CELSR3: variants seen among roughly 807,000 people sequenced by gnomAD.
CELSR3 encodes cadherin EGF LAG seven-pass G-type receptor 3.
In CELSR3, 73 loss-of-function variants were observed where a neutral mutation model predicts 270.0. The observed-to-expected ratio is 0.27, with a 90% confidence interval of 0.22 to 0.33. CELSR3 has a LOEUF of 0.33. CELSR3 is among the 10% of genes least tolerant of loss of function. The probability of loss-of-function intolerance (pLI) is 1.00; values close to 1 mark genes in which losing one functional copy is unlikely to be tolerated. For missense variants in CELSR3, 3,614 were observed against 4,533.8 expected, an observed-to-expected ratio of 0.80 and a Z score of 5.83; for synonymous variants, 1,780 against 1,905.4, an observed-to-expected ratio of 0.93 and a Z score of 1.71.
chr3:48,644,350 G>C lies in CELSR3; in HGVS notation c.8086-55C>G. 6.7e-7 allele frequency: 1 copy of C among 1,487,046 alleles called. No homozygotes were observed. Among genetic ancestry groups the C allele is most frequent in the Non-Finnish European group, 9.4e-7 (1 of 1,067,184 alleles). The allele number at this position is 1,487,046 out of a possible 1,614,324, so 92.1% of individuals were successfully genotyped here. On this transcript the variant is annotated intron_variant, in intron 26 of 34. Transcript: ENST00000164024. This position sits in a 1 kb window ranked among gnomAD's most constrained non-coding sequence, Gnocchi z 4.8. The stretch of plus-strand genomic sequence containing the variant: ...GGCAGGGCAGAGAGAGAGAGAGAGA[G>C]AGAGGCAATGAGAGACAGAGAGAGA...
Position 48,661,426 on chromosome 3 carries a change from C to T in CELSR3, c.1209G>A (p.Val403=). 6.2e-7 allele frequency: 1 copy of T among 1,611,970 alleles called. No individual in the cohort carries two copies. Among genetic ancestry groups the T allele is most frequent in the South Asian group, 1.1e-5 (1 of 91,026 alleles). Residue 403 remains valine (V), a synonymous_variant, in exon 1 of 35, where the codon GTG becomes GTA. Coordinates refer to ENST00000164024, the MANE Select transcript of CELSR3 (RefSeq NM_001407.3). ...RESMERHYLR[V]TAQDHGSPRL... ...GCGGCGACCCGTGGTCCTGCGCGGT[C>T]ACACGCAGGTAGTGACGCTCCATGC...
chr3:48,641,249 G>A lies in CELSR3; in HGVS notation c.9025+75C>T, dbSNP rs1289295954. On this transcript the variant is annotated intron_variant, in intron 33 of 34. Coordinates refer to ENST00000164024, the MANE Select transcript of CELSR3 (RefSeq NM_001407.3). This position sits in a 1 kb window ranked among gnomAD's most constrained non-coding sequence, Gnocchi z 4.8. The stretch of plus-strand genomic sequence containing the variant: ...AGAGCTCTCAGTTTGGGATGAGGAA[G>A]CTGCAATCCCTTGGCTCAGGGCATG... 1 of 967,892 alleles carries A rather than the reference G, an allele frequency of 1.0e-6. No individual in the cohort carries two copies. Among genetic ancestry groups the A allele is most frequent in the Non-Finnish European group, 1.6e-6 (1 of 612,680 alleles). 60.0% of individuals were successfully genotyped at this position (967,892 alleles called of 1,614,324 possible). A position where few individuals can be genotyped will look rare whatever the true frequency, so the allele number is the denominator to read the frequency against.
chr3:48,661,361 T>C lies in CELSR3; in HGVS notation c.1274A>G (p.Asp425Gly). The change falls in exon 1 of 35, where the codon GAC (aspartate) becomes GGC (glycine). Residue 425 changes from aspartate (D) to glycine (G), a missense_variant. Transcript: ENST00000164024. Reference protein sequence around the residue: ...ATTMVAVTVADRNDHSPVFEQ... With the variant: ...ATTMVAVTVAGRNDHSPVFEQ... ...AAAAACCGGCGAGTGGTCGTTGCGG[T>C]CGGCTACTGTCACGGCCACCATCGT... The C allele has an allele frequency of 6.2e-7, 1 of 1,612,840 alleles. No homozygotes were observed. The highest frequency in any genetic ancestry group is 8.5e-7 in the Non-Finnish European group (1 of 1,179,848).
In CELSR3 at chr3:48,638,131, C is replaced by G. The variant is rs1423770681; in HGVS notation, c.*74G>C. On this transcript the variant is annotated 3_prime_UTR_variant, in exon 35 of 35. Coordinates refer to ENST00000164024, the MANE Select transcript of CELSR3 (RefSeq NM_001407.3). ...AGGAGGCTGCCTTGGGATCTGCCCC[C>G]ACTCCTGGAGTCTCTCCTGTTAGCC... 10 of 1,361,424 alleles carry G rather than the reference C, an allele frequency of 7.3e-6. No homozygotes were observed. The highest frequency in any genetic ancestry group is 1.4e-5 in the African/African-American group (1 of 70,018). 84.3% of individuals were successfully genotyped at this position (1,361,424 alleles called of 1,614,324 possible).
At position 48,662,851 on chromosome 3, in the gene CELSR3, A is replaced by C; in HGVS notation, c.-217T>G. On this transcript the variant is annotated 5_prime_UTR_variant, in exon 1 of 35. An upstream start codon of the reference 5' UTR is lost. Transcript: ENST00000164024. The surrounding 1 kb of genome is among the most constrained non-coding windows in gnomAD (Gnocchi z 7.1). ...TGGCTTTTTCCGCCCCCACCACAGCATCCCCGACGCTGCTGCCGCCTCCCG... is the reference window on the plus strand; with the variant it reads ...TGGCTTTTTCCGCCCCCACCACAGCCTCCCCGACGCTGCTGCCGCCTCCCG... The C allele has an allele frequency of 3.1e-6, 1 of 325,438 alleles. No homozygotes were observed. The highest frequency in any genetic ancestry group is 5.6e-6 in the Non-Finnish European group (1 of 177,508). 20.2% of individuals were successfully genotyped at this position (325,438 alleles called of 1,614,324 possible).
rs778129842 is a variant in CELSR3, at chr3:48,647,911, G to A, written c.7059C>T (p.Gly2353=). ...YPRYHSNLFR[G]QDAWDPHTHV... ...GGGTGTGAGGATCCCAGGCATCCTG[G>A]CCTCGAAAGAGGTTGCTATGGTAGC... The change falls in exon 20 of 35, where the codon GGC becomes GGT. Residue 2353 remains glycine, a synonymous_variant. Transcript: ENST00000164024. The A allele has an allele frequency of 6.2e-7, 1 of 1,612,006 alleles. No homozygotes were observed. Among genetic ancestry groups the A allele is most frequent in the Non-Finnish European group, 8.5e-7 (1 of 1,179,690 alleles).
At position 48,662,497 on chromosome 3, in the gene CELSR3, T is replaced by TA; in HGVS notation, c.137dup (p.Leu46PhefsTer53). ...GCGCCCTTGGCCCCGTAGTGGCAGC[T>TA]AAGCCTGGGTCCCAGCCCTGGTGCC... On this transcript the variant is annotated frameshift_variant, in exon 1 of 35. Coordinates refer to ENST00000164024, the MANE Select transcript of CELSR3 (RefSeq NM_001407.3). LOFTEE classifies it high-confidence loss of function. The surrounding 1 kb of genome is among the most constrained non-coding windows in gnomAD (Gnocchi z 7.1). 6.2e-7 allele frequency: 1 copy of TA among 1,612,486 alleles called. No individual in the cohort carries two copies. The highest frequency in any genetic ancestry group is 1.3e-5 in the African/African-American group (1 of 75,032).
chr3:48,639,714 C>A lies in CELSR3; in HGVS notation c.9871G>T (p.Ala3291Ser). ...AGCTCCGAGATGCTGTGAGACGTGG[C>A]AGAACGTGGCGTGGAGGGCCCAAGC... ...SVLGPSTPRSATSHSISELSP... is the reference protein window; with the variant it reads ...SVLGPSTPRSSTSHSISELSP... The change falls in exon 34 of 35, where the codon GCC (alanine) becomes TCC (serine). Residue 3291 changes from alanine to serine, a missense_variant. By Grantham distance (99) the Ala-to-Ser change is moderately conservative. Around this residue, in one of 7 missense-constraint regions of CELSR3, gnomAD observed 1,240 missense variants for 1,351.7 expected, o/e 0.92. Coordinates refer to ENST00000164024, the MANE Select transcript of CELSR3 (RefSeq NM_001407.3). The surrounding 1 kb of genome is among the most constrained non-coding windows in gnomAD (Gnocchi z 4.1). The A allele has an allele frequency of 1.2e-6, 2 of 1,613,334 alleles. No individual in the cohort carries two copies. The highest frequency in any genetic ancestry group is 3.3e-5 in the Admixed American group (2 of 59,996).
At position 48,641,287 on chromosome 3, in the gene CELSR3, C is replaced by T. The variant is rs755112737; in HGVS notation, c.9025+37G>A. The T allele has an allele frequency of 9.6e-6, 13 of 1,358,082 alleles. No individual in the cohort carries two copies. The highest frequency in any genetic ancestry group is 2.9e-5 in the African/African-American group (2 of 69,996). The allele number at this position is 1,358,082 out of a possible 1,614,324, so 84.1% of individuals were successfully genotyped here. A position where few individuals can be genotyped will look rare whatever the true frequency, so the allele number is the denominator to read the frequency against. On this transcript the variant is annotated intron_variant, in intron 33 of 34. Coordinates refer to ENST00000164024, the MANE Select transcript of CELSR3 (RefSeq NM_001407.3). The surrounding 1 kb of genome is among the most constrained non-coding windows in gnomAD (Gnocchi z 4.8). ...GGCTCAGGGCATGAGCAGCCCCCAGCGTGTCTGCGGTGTGGGCCAGGGCTC... is the reference window on the plus strand; with the variant it reads ...GGCTCAGGGCATGAGCAGCCCCCAGTGTGTCTGCGGTGTGGGCCAGGGCTC...
chr3:48,654,532 G>T lies in CELSR3; in HGVS notation c.4989-80C>A. 2 of 1,250,066 alleles carry T rather than the reference G, an allele frequency of 1.6e-6. No homozygotes were observed. Among genetic ancestry groups the T allele is most frequent in the Non-Finnish European group, 2.2e-6 (2 of 899,474 alleles). 77.4% of individuals were successfully genotyped at this position (1,250,066 alleles called of 1,614,324 possible). On this transcript the variant is annotated intron_variant, in intron 6 of 34. Coordinates refer to ENST00000164024, the MANE Select transcript of CELSR3 (RefSeq NM_001407.3). The surrounding 1 kb of genome is among the most constrained non-coding windows in gnomAD (Gnocchi z 5.4). ...CCTGGGGGGCCACAGGAAGCAGGGGGGTAGGACCCAGAGGGTAGGGTGATT... is the reference window on the plus strand; with the variant it reads ...CCTGGGGGGCCACAGGAAGCAGGGGTGTAGGACCCAGAGGGTAGGGTGATT...
Position 48,653,256 on chromosome 3 carries a change from A to G in CELSR3, c.5449-69T>C. On this transcript the variant is annotated intron_variant, in intron 9 of 34. Coordinates refer to ENST00000164024, the MANE Select transcript of CELSR3 (RefSeq NM_001407.3). This position sits in a 1 kb window ranked among gnomAD's most constrained non-coding sequence, Gnocchi z 6.5. ...GGCTGGGACTTGGAGGTGAGATCAG[A>G]GGGCTCAGAGGTCAGGAATATCAGA... 6 of 1,414,292 alleles carry G rather than the reference A, an allele frequency of 4.2e-6. No homozygotes were observed. The South Asian group carries it at 7.4e-5, about 17-fold the overall frequency. The allele number at this position is 1,414,292 out of a possible 1,614,324, so 87.6% of individuals were successfully genotyped here.
At position 48,657,141 on chromosome 3, in the gene CELSR3, G is replaced by T; in HGVS notation, c.3956C>A (p.Thr1319Lys). Residue 1319 changes from threonine (T) to lysine (K), a missense_variant, in exon 2 of 35, where the codon ACA becomes AAA. Around this residue, in one of 7 missense-constraint regions of CELSR3, gnomAD observed 1,331 missense variants for 1,933.7 expected, o/e 0.69. Coordinates refer to ENST00000164024, the MANE Select transcript of CELSR3 (RefSeq NM_001407.3). This position sits in a 1 kb window ranked among gnomAD's most constrained non-coding sequence, Gnocchi z 5.4. ...ATTGAGCACGGTGCCCCCTACGTCTGTGTCGTTCTGGATGTTGAAGATGAA... is the reference window on the plus strand; with the variant it reads ...ATTGAGCACGGTGCCCCCTACGTCTTTGTCGTTCTGGATGTTGAAGATGAA... ...DVFIFNIQND[T>K]DVGGTVLNVS... The T allele has an allele frequency of 6.2e-7, 1 of 1,614,054 alleles. No homozygotes were observed. Among genetic ancestry groups the T allele is most frequent in the Admixed American group, 1.7e-5 (1 of 60,026 alleles).
At position 48,650,434 on chromosome 3, in the gene CELSR3, G is replaced by GGGGGGGGGGC; in HGVS notation, c.6472+45_6472+46insGCCCCCCCCC. ...ACATGGCTCTAGCAGTCAGAGTACA[G>GGGGGGGGGGC]GCCCACCCCCACCCTCAGTGATGTC... is the stretch of plus-strand genomic sequence containing the variant. On this transcript the variant is annotated intron_variant, in intron 16 of 34. Coordinates refer to ENST00000164024, the MANE Select transcript of CELSR3 (RefSeq NM_001407.3). This position sits in a 1 kb window ranked among gnomAD's most constrained non-coding sequence, Gnocchi z 5.1. 1 of 1,221,462 alleles carries GGGGGGGGGGC rather than the reference G, an allele frequency of 8.2e-7. No homozygotes were observed. The allele number at this position is 1,221,462 out of a possible 1,614,324, so 75.7% of individuals were successfully genotyped here.
At position 48,659,391 on chromosome 3, in the gene CELSR3, C is replaced by T; in HGVS notation, c.3244G>A (p.Val1082Met). 2 of 1,614,190 alleles carry T rather than the reference C, an allele frequency of 1.2e-6. No homozygotes were observed. The highest frequency in any genetic ancestry group is 1.1e-5 in the South Asian group (1 of 91,082). ...FEVRVKENSI[V>M]GSVVAQITAV... ...GTGATCTGGGCCACCACTGAGCCCACAATGCTATTCTCTTTCACCCGCACC... is the reference window on the plus strand; with the variant it reads ...GTGATCTGGGCCACCACTGAGCCCATAATGCTATTCTCTTTCACCCGCACC... Residue 1082 changes from valine to methionine, a missense_variant, in exon 1 of 35, where the codon GTG (valine) becomes ATG (methionine). Coordinates refer to ENST00000164024, the MANE Select transcript of CELSR3 (RefSeq NM_001407.3). The surrounding 1 kb of genome is among the most constrained non-coding windows in gnomAD (Gnocchi z 8.1).
rs767710082 is a variant in CELSR3, at chr3:48,660,023, C to T, written c.2612G>A (p.Arg871Gln). 40 of 1,614,054 alleles carry T rather than the reference C, an allele frequency of 2.5e-5. No individual in the cohort carries two copies. The highest frequency in any genetic ancestry group is 2.3e-4 in the African/African-American group (17 of 74,908). ...AHYSVSVNED[R>Q]PMGSTIVVIS... Reference sequence around the variant, plus strand: ...GACCACTATGGTGCTACCCATTGGCCGATCTTCATTCACACTCACTGAGTA... The same window carrying T: ...GACCACTATGGTGCTACCCATTGGCTGATCTTCATTCACACTCACTGAGTA... Residue 871 changes from arginine (R) to glutamine (Q), a missense_variant, in exon 1 of 35, where the codon CGG becomes CAG. Arg to Gln is a conservative substitution (Grantham distance 43). This residue lies in a region of CELSR3 where 215 missense variants were observed against 241.2 expected (regional missense o/e 0.89). Transcript: ENST00000164024. This position sits in a 1 kb window ranked among gnomAD's most constrained non-coding sequence, Gnocchi z 5.5.
chr3:48,651,783 C>A lies in CELSR3; in HGVS notation c.5924-65G>T. 1 of 1,536,678 alleles carries A rather than the reference C, an allele frequency of 6.5e-7. No individual in the cohort carries two copies. Among genetic ancestry groups the A allele is most frequent in the Non-Finnish European group, 8.7e-7 (1 of 1,144,374 alleles). ...AGCATGGAAGGAAGCAGGCACCCGTCCCGAGTCCCTGCCTCCTTCAGGTTC... is the reference window on the plus strand; with the variant it reads ...AGCATGGAAGGAAGCAGGCACCCGTACCGAGTCCCTGCCTCCTTCAGGTTC... On this transcript the variant is annotated intron_variant, in intron 12 of 34. Coordinates refer to ENST00000164024, the MANE Select transcript of CELSR3 (RefSeq NM_001407.3). The surrounding 1 kb of genome is among the most constrained non-coding windows in gnomAD (Gnocchi z 7.4).
In CELSR3 at chr3:48,652,345, C is replaced by T; in HGVS notation, c.5751+92G>A. The T allele has an allele frequency of 9.5e-7, 1 of 1,053,956 alleles. No homozygotes were observed. Among genetic ancestry groups the T allele is most frequent in the Non-Finnish European group, 1.5e-6 (1 of 672,926 alleles). The allele number at this position is 1,053,956 out of a possible 1,614,324, so 65.3% of individuals were successfully genotyped here. A position where few individuals can be genotyped will look rare whatever the true frequency, so the allele number is the denominator to read the frequency against. On this transcript the variant is annotated intron_variant, in intron 11 of 34. Transcript: ENST00000164024. The surrounding 1 kb of genome is among the most constrained non-coding windows in gnomAD (Gnocchi z 4.3). ...TCATTCACCCCCTCGCACCAACCCC[C>T]ACTTGAATACTGCCTTTCAGGTCCC...
At position 48,640,335 on chromosome 3, in the gene CELSR3, G is replaced by C. The variant is rs759724759; in HGVS notation, c.9250C>G (p.Arg3084Gly). Residue 3084 changes from arginine to glycine, a missense_variant, in exon 34 of 35, where the codon CGA (arginine) becomes GGA (glycine). Physicochemically the swap from Arg to Gly is moderately radical, Grantham distance 125 (BLOSUM62 -2). Around this residue, in one of 7 missense-constraint regions of CELSR3, gnomAD observed 1,240 missense variants for 1,351.7 expected, o/e 0.92. Transcript: ENST00000164024. This position sits in a 1 kb window ranked among gnomAD's most constrained non-coding sequence, Gnocchi z 7.5. ...LLLRRQLSRE[R>G]LEEAPAPVLR... The stretch of plus-strand genomic sequence containing the variant: ...ACAGGGGCAGGGGCTTCCTCTAGTC[G>C]CTCACGGCTCAGTTGCCGCCGGAGG... 1.2e-6 allele frequency: 2 copies of C among 1,612,656 alleles called. No individual in the cohort carries two copies. The highest frequency in any genetic ancestry group is 1.7e-5 in the Admixed American group (1 of 60,024).
In CELSR3 at chr3:48,646,746, G is replaced by A. The variant is rs779422211; in HGVS notation, c.7295+17C>T. The A allele has an allele frequency of 3.1e-6, 5 of 1,605,608 alleles. No individual in the cohort carries two copies. The highest frequency in any genetic ancestry group is 2.5e-6 in the Non-Finnish European group (3 of 1,177,274). The stretch of plus-strand genomic sequence containing the variant: ...TGAGAAGTTCGTAGGAAGCTCAGGG[G>A]TGAGGGGCCTGAGTACCTGGCACCT... On this transcript the variant is annotated intron_variant, in intron 21 of 34. Transcript: ENST00000164024. The surrounding 1 kb of genome is among the most constrained non-coding windows in gnomAD (Gnocchi z 4.8).
Sources: allele counts gnomAD v4.1 joint callset, GRCh38; gene constraint gnomAD v4.1.1; regional missense constraint gnomAD v4.1.1; non-coding constraint Gnocchi (gnomAD v3.1); transcripts MANE v1.5; gene names NCBI Gene and HGNC (gene_info 2026-07-23, HGNC 2026-07-21).